CACNA1C: variants seen among roughly 807,000 people sequenced by gnomAD.
The protein encoded by CACNA1C is voltage-dependent L-type calcium channel subunit alpha-1C.
In CACNA1C, 30 loss-of-function variants were observed where a neutral mutation model predicts 229.0. The observed-to-expected ratio is 0.13, with a 90% CI of 0.10 to 0.18. The LOEUF is 0.18. Among genes scored for constraint, CACNA1C ranks in the 10% least tolerant of loss-of-function variants. The pLI, the probability that CACNA1C is intolerant of heterozygous loss-of-function variation, is 1.00. For synonymous variants in CACNA1C, 1,114 were observed against 1,132.5 expected (o/e 0.98, Z 0.33); for missense variants, 1,658 against 2,845.0 (o/e 0.58, Z 9.49).
intron 1 of CACNA1C, among the ~76,000 whole-genome samples, chr12:1,994,716 A>G (rs993802078): frequency 3.9e-5 from 6 of 152,258 alleles, no homozygotes; most frequent in African/African-American, 1.4e-4. Flanking sequence ...TTTTCATACA[A>G]GAATGAGAAT....
chr12:2,352,906 C>T (rs756890779), intron 3 of CACNA1C, among the ~76,000 whole-genome samples: 1 of 152,114 alleles, frequency 6.6e-6, no homozygotes, highest in Non-Finnish European at 1.5e-5. Flanking sequence ...AGAGCAGTGG[C>T]GAGGACCAAA....
upstream of CACNA1C, among the ~76,000 whole-genome samples, chr12:2,051,676 A>C (rs1023361857): frequency 2.6e-5 from 4 of 152,188 alleles, no homozygotes; most frequent in African/African-American, 9.7e-5. Flanking sequence ...GATGAGAGAA[A>C]GGAGTCAAGA....
At chr12:2,411,621 C>T (rs1375437118) in intron 3 of CACNA1C, among the ~76,000 whole-genome samples, 2 of 152,202 alleles carry the variant, frequency 1.3e-5, no homozygotes, top group Non-Finnish European at 2.9e-5. Flanking sequence ...CAGAAAGCAG[C>T]CATGAGGTAG....
At chr12:2,334,744 G>C (rs2096642085) in intron 3 of CACNA1C, among the ~76,000 whole-genome samples, 1 of 149,658 alleles carries the variant, frequency 6.7e-6, no homozygotes, top group East Asian at 2.0e-4. Context: ...ATAAAATTAA[G>C]AGAATAAATA....
rs188510349 is a variant in CACNA1C, at chr12:2,327,596, T to C, written c.478-121380T>C. On this transcript the variant is annotated intron_variant, in intron 3 of 46. Coordinates refer to ENST00000399655, the MANE Select transcript of CACNA1C (RefSeq NM_000719.7). ...TAACATTCTGACCTAACGGTAGTTC[T>C]GAGAGGTGTTCGTGTGGTGTGAGCA... is the stretch of plus-strand genomic sequence containing the variant. Among the ~76,000 whole-genome samples, 170 of 152,304 alleles carry C rather than the reference T, an allele frequency of 1.1e-3. 1 individual carries two copies. The highest frequency in any genetic ancestry group is 4.0e-3 in the African/African-American group (167 of 41,562).
intron 3 of CACNA1C, among the ~76,000 whole-genome samples, chr12:2,434,237 A>G (rs2099113482): frequency 6.6e-6 from 1 of 152,152 alleles, no homozygotes; most frequent in Non-Finnish European, 1.5e-5. Context: ...TAATCCCCAC[A>G]TACATCTCCA....
intron 1 of CACNA1C, among the ~76,000 whole-genome samples, chr12:2,112,405 C>A: frequency 6.6e-6 from 1 of 151,530 alleles, no homozygotes; most frequent in East Asian, 2.0e-4. Flanking sequence ...AGAGATGAGA[C>A]GTCTCATTGT....
chr12:2,455,633 T>C (rs1281411568), intron 4 of CACNA1C, among the ~76,000 whole-genome samples: 1 of 152,156 alleles, frequency 6.6e-6, no homozygotes, highest in East Asian at 1.9e-4. Context: ...TCCCATGCTC[T>C]CTTGAACCTA....
intron 6 of CACNA1C, among the ~76,000 whole-genome samples, chr12:2,491,240 C>A (rs1324523983): frequency 1.3e-5 from 2 of 152,166 alleles, no homozygotes; most frequent in Non-Finnish European, 2.9e-5. Flanking sequence ...GAAGGATTGA[C>A]TGCAAGCAGG....
chr12:2,138,693 C>T (rs1403411281), intron 3 of CACNA1C, among the ~76,000 whole-genome samples: 2 of 151,126 alleles, frequency 1.3e-5, no homozygotes, highest in Non-Finnish European at 3.0e-5. Flanking sequence ...CCGGGCTCCC[C>T]TTCCCCTTCT....
chr12:2,458,986 T>TC (rs1567808908), intron 5 of CACNA1C, among the ~76,000 whole-genome samples: 1 of 134,604 alleles, frequency 7.4e-6, no homozygotes, highest in Non-Finnish European at 1.7e-5. Flanking sequence ...TCTTTCTTTT[T>TC]TTTTTTTTTT....
chr12:2,411,377 A>AGT (rs1255873287), intron 3 of CACNA1C, among the ~76,000 whole-genome samples: 2 of 152,096 alleles, frequency 1.3e-5, no homozygotes, highest in African/African-American at 4.8e-5. Flanking sequence ...AGAATTAGGG[A>AGT]GTGAGGGGCT....
intron 3 of CACNA1C, among the ~76,000 whole-genome samples, chr12:2,187,901 G>C (rs1307202580): frequency 2.0e-5 from 3 of 152,248 alleles, no homozygotes. Context: ...CCAGGACGGG[G>C]ACTGAGCTGA....
At chr12:2,580,183 G>T (rs1199625062) in intron 13 of CACNA1C, among the ~76,000 whole-genome samples, 1 of 152,224 alleles carries the variant, frequency 6.6e-6, no homozygotes, top group African/African-American at 2.4e-5. Flanking sequence ...GATACAAATA[G>T]ATGTATATTA....
intron 29 of CACNA1C, among the ~76,000 whole-genome samples, chr12:2,620,343 G>C (rs2082630584): frequency 6.6e-6 from 1 of 152,074 alleles, no homozygotes; most frequent in South Asian, 2.1e-4. Context: ...TGACTCAAAA[G>C]CCACTCTTTC....
intron 5 of CACNA1C, among the ~76,000 whole-genome samples, chr12:2,485,212 A>G (rs563881039): frequency 6.6e-6 from 1 of 152,098 alleles, no homozygotes; most frequent in Admixed American, 6.5e-5. Flanking sequence ...GCTCTGCTGG[A>G]GGGAAGGAGG....
At chr12:2,075,337 C>CT (rs2062812994) in intron 1 of CACNA1C, among the ~76,000 whole-genome samples, 1 of 152,328 alleles carries the variant, frequency 6.6e-6, no homozygotes, top group South Asian at 2.1e-4. Flanking sequence ...GTCCCATACT[C>CT]TATCTTGTTT....
rs1472300156 is a variant in CACNA1C, at chr12:2,633,615, C to T, written c.3829-682C>T. On this transcript the variant is annotated intron_variant, in intron 29 of 46. Coordinates refer to ENST00000399655, the MANE Select transcript of CACNA1C (RefSeq NM_000719.7). This position sits in a 1 kb window ranked among gnomAD's most constrained non-coding sequence, Gnocchi z 5.8. ...CCTTTTTAATCCCCATCCTGCCTGC[C>T]CTCCCTTATGTAGGGTTACTTTAGT... is the stretch of plus-strand genomic sequence containing the variant. 1.3e-6 allele frequency: 2 copies of T among 1,488,392 alleles called. No individual in the cohort carries two copies. The highest frequency in any genetic ancestry group is 1.7e-5 in the Admixed American group (1 of 59,804). 92.2% of individuals were successfully genotyped at this position (1,488,392 alleles called of 1,614,324 possible). A position where few individuals can be genotyped will look rare whatever the true frequency, so the allele number is the denominator to read the frequency against.
At chr12:2,510,514 A>G (rs1450047425) in intron 8 of CACNA1C, among the ~76,000 whole-genome samples, 2 of 152,072 alleles carry the variant, frequency 1.3e-5, no homozygotes, top group African/African-American at 4.8e-5. Context: ...TCCCCCTGTA[A>G]TGTTTATTTT....
Sources: gnomAD v4.1 joint callset for allele counts (sites outside exome capture counted in the v4.1 genomes callset) on GRCh38, gnomAD v4.1.1 for gene constraint, Gnocchi (gnomAD v3.1) non-coding constraint, MANE v1.5 for transcripts, NCBI Gene and HGNC (gene_info 2026-07-23, HGNC 2026-07-21) for gene names.